The following NCKAP5 variants were observed in gnomAD, a reference collection of about 807,000 sequenced individuals.
The protein encoded by NCKAP5 is nck-associated protein 5.
NCKAP5 carries 92 observed loss-of-function variants against 167.0 expected under a neutral mutation model. The observed-to-expected ratio is 0.55, with a 90% CI of 0.47 to 0.66. The LOEUF (loss-of-function observed/expected upper bound fraction) is 0.66, where lower values mean the gene tolerates loss of function less well. NCKAP5 is among the 30% of genes least tolerant of loss of function. The pLI, the probability that NCKAP5 is intolerant of heterozygous loss-of-function variation, is 0.00. For synonymous variants in NCKAP5, 891 were observed against 877.4 expected, an observed-to-expected ratio of 1.02 and a Z score of -0.27; for missense variants, 2,378 against 2,315.0, an observed-to-expected ratio of 1.03 and a Z score of -0.56.
intron 6 of NCKAP5, among the ~76,000 whole-genome samples, chr2:133,126,994 T>C (rs983437338): frequency 2.0e-5 from 3 of 152,154 alleles, no homozygotes; most frequent in Non-Finnish European, 4.4e-5. Context: ...CCATGAACAA[T>C]GTTCAAAAGT....
intron 5 of NCKAP5, among the ~76,000 whole-genome samples, chr2:133,189,214 G>T (rs1455747831): frequency 4.0e-5 from 6 of 151,818 alleles, no homozygotes; most frequent in Admixed American, 1.3e-4. Context: ...GACACATACA[G>T]CCTCCCAAGA....
At chr2:133,499,308 C>G (rs1682261447) in intron 3 of NCKAP5, among the ~76,000 whole-genome samples, 1 of 152,206 alleles carries the variant, frequency 6.6e-6, no homozygotes, top group Admixed American at 6.5e-5. Flanking sequence ...ACTTGCAAAG[C>G]TTACTTGCAC....
intron 3 of NCKAP5, among the ~76,000 whole-genome samples, chr2:133,472,838 C>T (rs1679467491): frequency 1.3e-5 from 2 of 152,170 alleles, no homozygotes; most frequent in South Asian, 4.2e-4. Context: ...TCTCCGTATC[C>T]AATAGGCATC....
intron 3 of NCKAP5, among the ~76,000 whole-genome samples, chr2:133,368,793 G>A (rs996861207): frequency 1.3e-5 from 2 of 152,240 alleles, no homozygotes; most frequent in Non-Finnish European, 2.9e-5. Flanking sequence ...CCTTTTGGAA[G>A]TGGGAGGGGT....
chr2:133,389,530 C>T (rs947836570), intron 3 of NCKAP5, among the ~76,000 whole-genome samples: 9 of 152,198 alleles, frequency 5.9e-5, no homozygotes, highest in African/African-American at 2.2e-4. Flanking sequence ...GTATTAGAGA[C>T]TCGACATGGA....
intron 3 of NCKAP5, among the ~76,000 whole-genome samples, chr2:133,332,128 A>G (rs1682896725): frequency 6.6e-6 from 1 of 152,218 alleles, no homozygotes; most frequent in South Asian, 2.1e-4. Context: ...GGAGCTTTAC[A>G]TCTAATGAGG....
intron 3 of NCKAP5, among the ~76,000 whole-genome samples, chr2:133,329,579 T>G (rs550805287): frequency 9.9e-5 from 15 of 152,176 alleles, no homozygotes; most frequent in African/African-American, 3.1e-4. Flanking sequence ...AAAGGGAGGA[T>G]GGGCTTAGCA....
chr2:133,393,194 T>C (rs965688714), intron 3 of NCKAP5, among the ~76,000 whole-genome samples: 3 of 152,234 alleles, frequency 2.0e-5, no homozygotes, highest in Non-Finnish European at 4.4e-5. Flanking sequence ...ATGCTTATTT[T>C]ATCAGAGATT....
At chr2:132,693,492 C>A (rs1378125186) in intron 19 of NCKAP5, among the ~76,000 whole-genome samples, 1 of 151,870 alleles carries the variant, frequency 6.6e-6, no homozygotes, top group Non-Finnish European at 1.5e-5. Flanking sequence ...CGGCTGCAAA[C>A]CAAGGAAGAC....
intron 3 of NCKAP5, among the ~76,000 whole-genome samples, chr2:133,362,101 T>C (rs972294273): frequency 6.6e-6 from 1 of 152,176 alleles, no homozygotes; most frequent in African/African-American, 2.4e-5. Flanking sequence ...TAAGGCTGTG[T>C]TTCGAGCCAT....
chr2:133,435,131 A>G (rs184626293), intron 3 of NCKAP5, among the ~76,000 whole-genome samples: 2 of 152,296 alleles, frequency 1.3e-5, no homozygotes, highest in Admixed American at 1.3e-4. Flanking sequence ...TTCTGATCTC[A>G]TCACTAACTA....
At chr2:133,585,640 T>C in the NCKAP5 span, among the ~76,000 whole-genome samples, 2 of 152,252 alleles carry the variant, frequency 1.3e-5, no homozygotes, top group Middle Eastern at 3.2e-3. Context: ...ATTACAATTA[T>C]TGAATGTATA....
At chr2:133,173,877 T>C (rs898150174) in intron 5 of NCKAP5, among the ~76,000 whole-genome samples, 1 of 152,148 alleles carries the variant, frequency 6.6e-6, no homozygotes, top group Non-Finnish European at 1.5e-5. Flanking sequence ...TTACCAAAAA[T>C]CTGGACACTG....
chr2:132,814,726 T>C (rs549126021), intron 11 of NCKAP5, among the ~76,000 whole-genome samples: 4 of 152,236 alleles, frequency 2.6e-5, no homozygotes, highest in Admixed American at 2.0e-4. Context: ...TGACTAAAGA[T>C]GAGACTGTAA....
chr2:133,307,340 T>C (rs1271441487), intron 3 of NCKAP5, among the ~76,000 whole-genome samples: 1 of 152,152 alleles, frequency 6.6e-6, no homozygotes, highest in Non-Finnish European at 1.5e-5. Context: ...TTTGAGTACT[T>C]GATAAGATTT....
At chr2:133,578,414 C>T in the NCKAP5 span, among the ~76,000 whole-genome samples, 25 of 152,346 alleles carry the variant, frequency 1.6e-4, no homozygotes, top group East Asian at 4.2e-3. Context: ...CTGGGGAAGA[C>T]GCAGACATGC....
At chr2:132,888,156 G>A (rs1692401549) in intron 8 of NCKAP5, among the ~76,000 whole-genome samples, 1 of 152,056 alleles carries the variant, frequency 6.6e-6, no homozygotes, top group African/African-American at 2.4e-5. Flanking sequence ...AGCTATGGGT[G>A]GAAATGAAAA....
chr2:132,975,101 A>G (rs1403647840), intron 7 of NCKAP5, among the ~76,000 whole-genome samples: 1 of 151,616 alleles, frequency 6.6e-6, no homozygotes, highest in Non-Finnish European at 1.5e-5. Flanking sequence ...CAGCACAAGC[A>G]TACTAAATTT....
chr2:133,290,567 C>T (rs185061526), intron 4 of NCKAP5, among the ~76,000 whole-genome samples: 24 of 152,244 alleles, frequency 1.6e-4, no homozygotes, highest in Admixed American at 1.4e-3. Flanking sequence ...AATCTTTAAA[C>T]TTTCTAATAG....
Sources: allele counts gnomAD v4.1 joint callset (sites outside exome capture counted in the v4.1 genomes callset), GRCh38; gene constraint gnomAD v4.1.1; transcripts MANE v1.5; gene names NCBI Gene and HGNC (gene_info 2026-07-23, HGNC 2026-07-21).